The following RBM39 variants were observed in gnomAD, a reference collection of about 807,000 sequenced individuals.
RBM39 encodes the protein RNA binding motif protein 39, also known as RNA-binding protein 39.
RBM39 carries 12 observed loss-of-function variants against 79.6 expected under a neutral mutation model. That is an observed-to-expected ratio of 0.15 (90% confidence interval 0.10 to 0.24). The LOEUF is 0.24. Among genes scored for constraint, RBM39 ranks in the 10% least tolerant of loss-of-function variants. The pLI, the probability that RBM39 is intolerant of heterozygous loss-of-function variation, is 1.00. For synonymous variants in RBM39, 185 were observed against 208.4 expected (o/e 0.89, Z 0.97); for missense variants, 243 against 653.4 (o/e 0.37, Z 6.85).
intron 2 of RBM39, chr20:35,739,587 A>G: frequency 2.2e-6 from 1 of 462,360 alleles, no homozygotes; most frequent in East Asian, 7.1e-5. Context: ...AGTAATGTTG[A>G]CTCCCAAGAA....
chr20:35,721,545 A>G (rs538578262), intron 9 of RBM39, among the ~76,000 whole-genome samples, 195 bp downstream of exon 9: 1 of 152,366 alleles, frequency 6.6e-6, no homozygotes, highest in Admixed American at 6.5e-5. Context: ...GGCATTATGA[A>G]TAACAGTAAC....
At chr20:35,729,287 T>TA in intron 6 of RBM39, 25 bp downstream of exon 6, 1 of 1,560,434 alleles carries the variant, frequency 6.4e-7, no homozygotes, top group Non-Finnish European at 8.6e-7. Context: ...TTTTAAGAGC[T>TA]AAAGGCTTTA....
At chr20:35,734,424 T>C (rs2425114) in intron 3 of RBM39, 49,737 of 292,136 alleles carry the variant, frequency 0.17, 4,793 homozygotes, top group African/African-American at 0.31. Context: ...TAACACTATC[T>C]CTGTGACACT....
At chr20:35,734,723 A>G in intron 3 of RBM39, 1 of 1,040,838 alleles carries the variant, frequency 9.6e-7, no homozygotes. Context: ...CAGGCAGGTA[A>G]AAAGACAGCA....
intron 13 of RBM39, among the ~76,000 whole-genome samples, chr20:35,708,168 A>G (rs1456353121): frequency 6.6e-6 from 1 of 152,080 alleles, no homozygotes; most frequent in Non-Finnish European, 1.5e-5. Flanking sequence ...TTTTTCTTTC[A>G]TAAAGTTTTA....
chr20:35,715,804 T>C (rs1179426795), intron 10 of RBM39, among the ~76,000 whole-genome samples: 1 of 152,176 alleles, frequency 6.6e-6, no homozygotes, highest in Non-Finnish European at 1.5e-5. Flanking sequence ...AGATCCCTCA[T>C]GAATGGCTTG....
At chr20:35,713,195 CAAG>C in intron 11 of RBM39, 99 bp from the exon 12 acceptor site, 1 of 1,017,784 alleles carries the variant, frequency 9.8e-7, no homozygotes, top group Non-Finnish European at 1.4e-6. Context: ...AAATAAATTG[CAAG>C]GAGGGCCGAG....
chr20:35,717,080 G>T (rs1302039993), intron 9 of RBM39, among the ~76,000 whole-genome samples: 1 of 152,042 alleles, frequency 6.6e-6, no homozygotes, highest in African/African-American at 2.4e-5. Context: ...AGGAGTTTGG[G>T]ACCAGCCTGG....
At chr20:35,736,537 C>A in intron 3 of RBM39, 1 of 470,178 alleles carries the variant, frequency 2.1e-6, no homozygotes, top group Non-Finnish European at 4.4e-6. Flanking sequence ...GTGAGAAAGA[C>A]TGACATACTT....
At chr20:35,721,596 G>C (rs912104739) in intron 9 of RBM39, 144 bp downstream of exon 9, 9 of 875,380 alleles carry the variant, frequency 1.0e-5, no homozygotes, top group African/African-American at 5.1e-5. Flanking sequence ...TTTAATCTAT[G>C]TTGTCACAGA....
At chr20:35,714,737 G>A (rs1002358371) in intron 10 of RBM39, among the ~76,000 whole-genome samples, 1 of 152,088 alleles carries the variant, frequency 6.6e-6, no homozygotes, top group Admixed American at 6.6e-5. Context: ...GACCACCTGA[G>A]GTAGAATTTA....
At chr20:35,713,427 G>C (rs1282185045) in intron 11 of RBM39, 3 of 184,010 alleles carry the variant, frequency 1.6e-5, no homozygotes, top group African/African-American at 7.1e-5. Context: ...CCAAGTTCAA[G>C]TGATTCTCCT....
At chr20:35,741,344 T>C (rs1170086101) in intron 1 of RBM39, 2 of 153,692 alleles carry the variant, frequency 1.3e-5, no homozygotes, top group African/African-American at 4.8e-5. Context: ...TGGTAAACGT[T>C]TTTCAAATCG....
At chr20:35,710,891 CATAG>C (rs1172917357) in intron 12 of RBM39, among the ~76,000 whole-genome samples, 2 of 152,054 alleles carry the variant, frequency 1.3e-5, no homozygotes, top group East Asian at 1.9e-4. Flanking sequence ...TAACTAGATA[CATAG>C]ATAAAGGGTA....
intron 3 of RBM39, among the ~76,000 whole-genome samples, chr20:35,733,661 C>T (rs921629193): frequency 1.3e-5 from 2 of 152,032 alleles, no homozygotes; most frequent in Non-Finnish European, 2.9e-5. Flanking sequence ...TTTGACATTC[C>T]TAGACTTTAA....
chr20:35,740,647 A>G, intron 2 of RBM39, 177 bp downstream of exon 2: 2 of 1,341,988 alleles, frequency 1.5e-6, no homozygotes, highest in Non-Finnish European at 1.0e-6. Context: ...AAGTGAAACT[A>G]CTGCACAATA....
chr20:35,735,353 T>G (rs769144910), intron 3 of RBM39, among the ~76,000 whole-genome samples: 1 of 152,200 alleles, frequency 6.6e-6, no homozygotes, highest in Non-Finnish European at 1.5e-5. Context: ...AGAAAATAGG[T>G]TGACAACCAG....
intron 8 of RBM39, among the ~76,000 whole-genome samples, chr20:35,722,406 C>CAAAAAAAATAAAAATAAA (rs1373416269): frequency 1.0e-5 from 1 of 95,314 alleles, no homozygotes; most frequent in Non-Finnish European, 2.1e-5. Context: ...GACTCAGTCT[C>CAAAAAAAATAAAAATAAA]AAAAAAAATA....
chr20:35,731,637 C>T, intron 4 of RBM39: 1 of 358,826 alleles, frequency 2.8e-6, no homozygotes, highest in East Asian at 5.3e-5. Context: ...TTGGGCACTA[C>T]AATGTCATCT....
Sources: allele counts gnomAD v4.1 joint callset (sites outside exome capture counted in the v4.1 genomes callset), GRCh38; gene constraint gnomAD v4.1.1; transcripts MANE v1.5; gene names NCBI Gene and HGNC (gene_info 2026-07-23, HGNC 2026-07-21).